Variants in RPGRIP1L observed in about 807,000 individuals in gnomAD.
RPGRIP1L encodes protein fantom.
A neutral mutation model predicts 160.4 loss-of-function variants in RPGRIP1L; 131 were observed. That is an observed-to-expected ratio of 0.82 (90% CI 0.71 to 0.94). The LOEUF (loss-of-function observed/expected upper bound fraction) is 0.94, where lower values mean the gene tolerates loss of function less well. Among genes scored for constraint, RPGRIP1L ranks in the 40% least tolerant of loss-of-function variants. The pLI, the probability that RPGRIP1L is intolerant of heterozygous loss-of-function variation, is 0.00. For synonymous variants in RPGRIP1L, 510 were observed against 515.8 expected, an observed-to-expected ratio of 0.99 and a Z score of 0.15; for missense variants, 1,522 against 1,535.8, an observed-to-expected ratio of 0.99 and a Z score of 0.15.
At position 53,652,655 on chromosome 16, in the gene RPGRIP1L, T is replaced by C. The variant is rs958116016; in HGVS notation, c.2032A>G (p.Ile678Val). Reference protein sequence around the residue: ...LFLQYIQKNTITLEVHQAYST... With the variant: ...LFLQYIQKNTVTLEVHQAYST... ...TAAGCCTGGTGGACCTCAAGGGTGATAGTATTCTTCTGAATATATTGCAAA... is the reference window on the plus strand; with the variant it reads ...TAAGCCTGGTGGACCTCAAGGGTGACAGTATTCTTCTGAATATATTGCAAA... The change falls in exon 15 of 27, where the codon ATC (isoleucine) becomes GTC (valine). Residue 678 changes from isoleucine to valine, a missense_variant. Physicochemically the swap from Ile to Val is conservative, Grantham distance 29. Transcript: ENST00000647211. 3.1e-6 allele frequency: 5 copies of C among 1,613,526 alleles called. No homozygotes were observed. In the African/African-American group the frequency reaches 4.0e-5, roughly 13 times the overall value.
chr16:53,667,160 T>C (rs141906034), intron 9 of RPGRIP1L, among the ~76,000 whole-genome samples: 1 of 152,338 alleles, frequency 6.6e-6, no homozygotes, highest in East Asian at 1.9e-4. Context: ...TTAGTCTTTG[T>C]ACACATTTCA....
chr16:53,671,529 A>G lies in RPGRIP1L; in HGVS notation c.1084T>C (p.Tyr362His). The change falls in exon 9 of 27, where the codon TAT (tyrosine) becomes CAT (histidine). Residue 362 changes from tyrosine (Y) to histidine (H), a missense_variant. Tyr to His is a moderately conservative substitution (Grantham distance 83). Transcript: ENST00000647211. ...ATTTACCTGTCATAAAGTTTATCAT[A>G]GTTTTCCTTTAAAAGTTCCCGTTCC... ...EKERELLKEN[Y>H]DKLYDSAFSA... 1 of 1,580,520 alleles carries G rather than the reference A, an allele frequency of 6.3e-7. No individual in the cohort carries two copies. The highest frequency in any genetic ancestry group is 8.7e-7 in the Non-Finnish European group (1 of 1,150,836).
chr16:53,687,205 A>C (rs559238413), intron 5 of RPGRIP1L, among the ~76,000 whole-genome samples: 21 of 152,302 alleles, frequency 1.4e-4, no homozygotes, highest in African/African-American at 4.6e-4. Flanking sequence ...CAACTATCTT[A>C]AGTATGATAC....
In RPGRIP1L at chr16:53,638,328, A is replaced by G. The variant is rs1965969082; in HGVS notation, c.3042T>C (p.Thr1014=). The change falls in exon 20 of 27, where the codon ACT becomes ACC. Residue 1014 remains threonine (T), a synonymous_variant. Coordinates refer to ENST00000647211, the MANE Select transcript of RPGRIP1L (RefSeq NM_015272.5). ...TGCATACCTTGGGAACATGTGGAAC[A>G]GTCAGCATATTAATTTCTATTTCTG... ...HIPEIEINML[T]VPHVPKVSQE... The G allele has an allele frequency of 6.3e-7, 1 of 1,577,924 alleles. No individual in the cohort carries two copies. The highest frequency in any genetic ancestry group is 8.7e-7 in the Non-Finnish European group (1 of 1,147,632).
chr16:53,634,050 C>A lies in RPGRIP1L; in HGVS notation c.3294+2389G>T, dbSNP rs564484553. Among the ~76,000 whole-genome samples the A allele has an allele frequency of 2.0e-5, 3 of 152,168 alleles. No homozygotes were observed. The East Asian group carries it at 5.8e-4, about 29-fold the overall frequency. ...CTCAGAGTTCTGGAGACTGGGAAGT[C>A]CAAGATCAAGGTGTCAGCAGGTTTG... On this transcript the variant is annotated intron_variant, in intron 22 of 26. Coordinates refer to ENST00000647211, the MANE Select transcript of RPGRIP1L (RefSeq NM_015272.5).
At chr16:53,678,101 T>C (rs1012810647) in intron 6 of RPGRIP1L, among the ~76,000 whole-genome samples, 1 of 151,798 alleles carries the variant, frequency 6.6e-6, no homozygotes, top group African/African-American at 2.4e-5. Context: ...AAGTCAGGAA[T>C]GATTAAGTTG....
At chr16:53,664,828 A>G in intron 10 of RPGRIP1L, 42 bp downstream of exon 10, 2 of 1,596,972 alleles carry the variant, frequency 1.3e-6, no homozygotes, top group Non-Finnish European at 1.7e-6. Flanking sequence ...AAGAAACATT[A>G]GATGTCTGAA....
At position 53,686,571 on chromosome 16, in the gene RPGRIP1L, T is replaced by C. The variant is rs2151318519; in HGVS notation, c.638A>G (p.Asn213Ser). ...CTGGCCTCTTTGTGACTGAATAACG[T>C]TTTCTCTGAAATAAAGAGCCTCTGT... ...EARGEIRNLENVIQSQRGQIE... is the reference protein window; with the variant it reads ...EARGEIRNLESVIQSQRGQIE... The change falls in exon 6 of 27, where the codon AAC becomes AGC. Residue 213 changes from asparagine (N) to serine (S), a missense_variant. Asn to Ser is a conservative substitution (Grantham distance 46). Coordinates refer to ENST00000647211, the MANE Select transcript of RPGRIP1L (RefSeq NM_015272.5). The C allele has an allele frequency of 2.5e-6, 4 of 1,613,538 alleles. No individual in the cohort carries two copies. The South Asian group carries it at 4.4e-5, about 18-fold the overall frequency.
intron 10 of RPGRIP1L, among the ~76,000 whole-genome samples, chr16:53,663,374 A>G (rs1967971622): frequency 6.6e-6 from 1 of 152,116 alleles, no homozygotes; most frequent in African/African-American, 2.4e-5. Flanking sequence ...AGATCAGTTC[A>G]GATATCCAAA....
intron 9 of RPGRIP1L, among the ~76,000 whole-genome samples, chr16:53,667,468 C>T (rs955322927): frequency 7.9e-5 from 12 of 152,166 alleles, no homozygotes; most frequent in African/African-American, 1.4e-4. Flanking sequence ...CTGGGTACAG[C>T]GGCTCATGCC....
intron 17 of RPGRIP1L, among the ~76,000 whole-genome samples, chr16:53,644,990 T>G (rs1280742245): frequency 1.3e-5 from 2 of 152,192 alleles, no homozygotes; most frequent in Non-Finnish European, 2.9e-5. Context: ...AAAAGATAAC[T>G]GCATACAACA....
intron 22 of RPGRIP1L, among the ~76,000 whole-genome samples, chr16:53,632,784 C>G (rs775847379): frequency 4.6e-5 from 7 of 152,134 alleles, no homozygotes; most frequent in Non-Finnish European, 1.0e-4. Flanking sequence ...GATTTTCTCA[C>G]CCTTTTCATG....
intron 2 of RPGRIP1L, among the ~76,000 whole-genome samples, chr16:53,697,175 GAGACTCT>G (rs1970832723): frequency 6.6e-6 from 1 of 150,674 alleles, no homozygotes; most frequent in South Asian, 2.1e-4. Context: ...GTGAGAGAGC[GAGACTCT>G]GTCTCAAAAA....
chr16:53,647,772 T>C (rs148119536), intron 16 of RPGRIP1L, among the ~76,000 whole-genome samples: 157 of 152,336 alleles, frequency 1.0e-3, no homozygotes, highest in Admixed American at 3.3e-3. Flanking sequence ...ATCCCTCTGT[T>C]ACTCAATGTG....
chr16:53,678,705 G>A (rs771878296), intron 6 of RPGRIP1L, among the ~76,000 whole-genome samples: 6 of 152,120 alleles, frequency 3.9e-5, no homozygotes, highest in Non-Finnish European at 8.8e-5. Flanking sequence ...ATGAGATTCG[G>A]GGAAGTAGTT....
intron 2 of RPGRIP1L, among the ~76,000 whole-genome samples, chr16:53,699,686 C>T (rs1169580218): frequency 6.6e-6 from 1 of 152,152 alleles, no homozygotes; most frequent in Non-Finnish European, 1.5e-5. Context: ...GGCATGGCGG[C>T]GAACACCTGT....
chr16:53,628,015 C>T (rs1965290797), intron 22 of RPGRIP1L, among the ~76,000 whole-genome samples: 1 of 152,044 alleles, frequency 6.6e-6, no homozygotes, highest in Non-Finnish European at 1.5e-5. Context: ...GCATGATTCC[C>T]TTAGGAGCAG....
intron 9 of RPGRIP1L, among the ~76,000 whole-genome samples, chr16:53,669,145 A>G (rs1968511986): frequency 6.6e-6 from 1 of 152,210 alleles, no homozygotes; most frequent in Non-Finnish European, 1.5e-5. Flanking sequence ...TAACAGTGTC[A>G]TGAAACAAAA....
At chr16:53,629,411 G>A (rs1486912035) in intron 22 of RPGRIP1L, among the ~76,000 whole-genome samples, 1 of 152,088 alleles carries the variant, frequency 6.6e-6, no homozygotes, top group Non-Finnish European at 1.5e-5. Flanking sequence ...TGGGGCCAAG[G>A]ATTTGCATCT....
Sources: allele counts gnomAD v4.1 joint callset (sites outside exome capture counted in the v4.1 genomes callset), GRCh38; gene constraint gnomAD v4.1.1; transcripts MANE v1.5; gene names NCBI Gene and HGNC (gene_info 2026-07-23, HGNC 2026-07-21).